The following TENM4 variants were observed in gnomAD, a reference collection of about 807,000 sequenced individuals.
TENM4 encodes the protein teneurin transmembrane protein 4.
A neutral mutation model predicts 243.3 loss-of-function variants in TENM4; 82 were observed. That is an observed-to-expected ratio of 0.34 (90% CI 0.28 to 0.40). The LOEUF is 0.40. Among genes scored for constraint, TENM4 ranks in the 10% least tolerant of loss-of-function variants. The pLI, the probability that TENM4 is intolerant of heterozygous loss-of-function variation, is 1.00. For missense variants in TENM4, 3,138 were observed against 3,673.3 expected (o/e 0.85, Z 3.77); for synonymous variants, 1,412 against 1,456.3 (o/e 0.97, Z 0.69).
chr11:79,440,625 T>G lies in TENM4; in HGVS notation c.-437A>C, dbSNP rs907271. The G allele has an allele frequency of 0.62, 93,944 of 151,678 alleles. 29,113 individuals are homozygous for G. Among genetic ancestry groups the G allele is most frequent in the Non-Finnish European group, 0.64 (43,183 of 67,858 alleles). 9.4% of individuals were successfully genotyped at this position (151,678 alleles called of 1,614,324 possible). A position where few individuals can be genotyped will look rare whatever the true frequency, so the allele number is the denominator to read the frequency against. ...CGCGGCTCCTCTGCTCCGCGAGCCG[T>G]AGCGGGGCGCCCAGGAAGGAGCAGG... On this transcript the variant is annotated 5_prime_UTR_variant, in exon 1 of 34. Coordinates refer to ENST00000278550, the MANE Select transcript of TENM4 (RefSeq NM_001098816.3). This position sits in a 1 kb window ranked among gnomAD's most constrained non-coding sequence, Gnocchi z 4.7.
chr11:78,706,507 CG>C (rs1468024832), intron 27 of TENM4, among the ~76,000 whole-genome samples: 1 of 152,110 alleles, frequency 6.6e-6, no homozygotes, highest in Non-Finnish European at 1.5e-5. Flanking sequence ...GTGACACCTG[CG>C]CAAATGTGTC....
In TENM4 at chr11:79,058,539, A is replaced by G. The variant is rs532065122; in HGVS notation, c.493+6199T>C. Among the ~76,000 whole-genome samples the G allele has an allele frequency of 5.5e-5, 8 of 144,348 alleles. No homozygotes were observed. In the East Asian group the frequency reaches 1.5e-3, roughly 28 times the overall value. 94.7% of individuals were successfully genotyped at this position (144,348 alleles called of 152,430 possible). ...AGCCTGGACGACAGAGTGAGACTCC[A>G]TCTCAAAAAAAAAAAAACAAAAAAA... On this transcript the variant is annotated intron_variant, in intron 6 of 33. Transcript: ENST00000278550.
chr11:79,221,974 G>C (rs768392947), intron 2 of TENM4, among the ~76,000 whole-genome samples: 1 of 152,172 alleles, frequency 6.6e-6, no homozygotes. Flanking sequence ...TTTCCACTCC[G>C]TGTTCTTTCT....
chr11:78,711,594 A>C (rs916818928), intron 26 of TENM4, among the ~76,000 whole-genome samples: 6 of 152,186 alleles, frequency 3.9e-5, no homozygotes, highest in African/African-American at 1.4e-4. Context: ...TGACCATCAG[A>C]ATAAACCTAG....
chr11:78,904,383 A>G (rs1024737771), intron 6 of TENM4, among the ~76,000 whole-genome samples: 9 of 150,348 alleles, frequency 6.0e-5, no homozygotes, highest in African/African-American at 2.0e-4. Flanking sequence ...AAAGTAAAAC[A>G]TAGAGTTTAC....
intron 6 of TENM4, among the ~76,000 whole-genome samples, chr11:79,034,589 A>ATTT (rs1006180613): frequency 9.2e-5 from 14 of 151,936 alleles, no homozygotes; most frequent in South Asian, 4.2e-4. Flanking sequence ...ATTAAAAAAA[A>ATTT]TTTTTTTTTA....
chr11:78,695,036 T>C (rs1858921866), intron 28 of TENM4, among the ~76,000 whole-genome samples: 1 of 152,144 alleles, frequency 6.6e-6, no homozygotes, highest in African/African-American at 2.4e-5. Context: ...CCTTTATTTT[T>C]ATTTTTAATT....
chr11:78,760,103 C>A (rs552397421), intron 18 of TENM4, among the ~76,000 whole-genome samples: 2 of 152,154 alleles, frequency 1.3e-5, no homozygotes, highest in Admixed American at 1.3e-4. Context: ...CAAACGATGA[C>A]CTCCTAGAGA....
intron 6 of TENM4, among the ~76,000 whole-genome samples, chr11:78,920,615 A>G (rs1856427850): frequency 6.6e-6 from 1 of 152,124 alleles, no homozygotes; most frequent in Admixed American, 6.5e-5. Flanking sequence ...CCCGAGGATG[A>G]ACTACCTCAT....
At chr11:78,919,069 G>A (rs1049894629) in intron 6 of TENM4, among the ~76,000 whole-genome samples, 1 of 152,120 alleles carries the variant, frequency 6.6e-6, no homozygotes, top group Non-Finnish European at 1.5e-5. Context: ...TATTCCTAAT[G>A]GTCCCAGCAC....
chr11:79,308,405 A>T (rs533936451), intron 1 of TENM4, among the ~76,000 whole-genome samples: 2 of 152,144 alleles, frequency 1.3e-5, no homozygotes, highest in Admixed American at 1.3e-4. Flanking sequence ...TCTATTAACT[A>T]TCATAACCGT....
chr11:78,691,088 G>T (rs988736073), intron 28 of TENM4, among the ~76,000 whole-genome samples: 61 of 152,152 alleles, frequency 4.0e-4, no homozygotes, highest in African/African-American at 1.4e-3. Flanking sequence ...GCCCTCCCTG[G>T]TTTTTCCTGT....
At chr11:79,262,381 T>C (rs924856879) in intron 2 of TENM4, among the ~76,000 whole-genome samples, 2 of 152,212 alleles carry the variant, frequency 1.3e-5, no homozygotes, top group Non-Finnish European at 2.9e-5. Flanking sequence ...TGGACTCTTC[T>C]TTGAAAATTA....
chr11:78,704,064 CAT>C (rs1208763439), intron 27 of TENM4, among the ~76,000 whole-genome samples: 3,068 of 134,494 alleles, frequency 0.023, 104 homozygotes, highest in African/African-American at 0.084. Flanking sequence ...CACACACACA[CAT>C]ATATATATAA....
intron 2 of TENM4, among the ~76,000 whole-genome samples, chr11:79,260,540 C>G (rs1351322649): frequency 6.6e-6 from 1 of 152,168 alleles, no homozygotes; most frequent in East Asian, 1.9e-4. Flanking sequence ...GGTAATGGAA[C>G]CAGGGAACCT....
At chr11:79,037,144 C>T (rs1459368352) in intron 6 of TENM4, among the ~76,000 whole-genome samples, 1 of 152,090 alleles carries the variant, frequency 6.6e-6, no homozygotes, top group Non-Finnish European at 1.5e-5. Context: ...ACAACATCAT[C>T]CAGGACAGGA....
chr11:79,425,935 G>A lies in TENM4; in HGVS notation c.-321+14574C>T, dbSNP rs535639067. Among the ~76,000 whole-genome samples the A allele has an allele frequency of 6.2e-4, 94 of 152,314 alleles. 3 individuals carry two copies. The South Asian group carries it at 0.019, about 31-fold the overall frequency. On this transcript the variant is annotated intron_variant, in intron 1 of 33. Transcript: ENST00000278550. ...ACTTGAAAAGTTCTAGGAATGTGCT[G>A]TAAATTATAGGTGTGTGCCCACACA... is the stretch of plus-strand genomic sequence containing the variant.
intron 1 of TENM4, among the ~76,000 whole-genome samples, chr11:79,309,949 C>G (rs1856691056): frequency 6.6e-6 from 1 of 152,198 alleles, no homozygotes; most frequent in Non-Finnish European, 1.5e-5. Flanking sequence ...CTGGGTCTGC[C>G]TGTGGGAGCC....
intron 2 of TENM4, among the ~76,000 whole-genome samples, chr11:79,227,359 C>T (rs1318450322): frequency 2.0e-5 from 3 of 152,164 alleles, no homozygotes; most frequent in African/African-American, 7.2e-5. Flanking sequence ...ACTGTTTGAC[C>T]AGTTCTTTAC....
Sources: allele counts gnomAD v4.1 joint callset (sites outside exome capture counted in the v4.1 genomes callset), GRCh38; gene constraint gnomAD v4.1.1; non-coding constraint Gnocchi (gnomAD v3.1); transcripts MANE v1.5; gene names NCBI Gene and HGNC (gene_info 2026-07-23, HGNC 2026-07-21).